The following SENP7 variants were observed in gnomAD, a reference collection of about 807,000 sequenced individuals.
SENP7 encodes SUMO specific peptidase 7.
A neutral mutation model predicts 141.2 loss-of-function variants in SENP7; 64 were observed. The ratio of observed to expected loss-of-function variants is 0.45; its 90% CI spans 0.37 to 0.56. The LOEUF is 0.56. Ranked by LOEUF, SENP7 falls within the 20% of genes least tolerant of loss-of-function variation. The pLI is 0.00. For missense variants in SENP7, 1,025 were observed against 1,212.2 expected (o/e 0.85, Z 2.29); for synonymous variants, 382 against 426.4 (o/e 0.90, Z 1.28).
Position 101,469,766 on chromosome 3 carries a change from G to A in SENP7, c.187-10714C>T, listed in dbSNP as rs1460095833. Among the ~76,000 whole-genome samples, 17 of 98,828 alleles carry A rather than the reference G, an allele frequency of 1.7e-4. 3 individuals carry two copies. 64.8% of individuals were successfully genotyped at this position (98,828 alleles called of 152,430 possible). ...GTGAACCTGGGAAGCGGAGCTTGCAGTGAGCCGAGATTGCGCCACTGCAGT... is the reference window on the plus strand; with the variant it reads ...GTGAACCTGGGAAGCGGAGCTTGCAATGAGCCGAGATTGCGCCACTGCAGT... On this transcript the variant is annotated intron_variant, in intron 3 of 23. Coordinates refer to ENST00000394095, the MANE Select transcript of SENP7 (RefSeq NM_020654.5).
At chr3:101,431,111 A>G (rs984851974) in intron 4 of SENP7, among the ~76,000 whole-genome samples, 3 of 152,176 alleles carry the variant, frequency 2.0e-5, no homozygotes, top group Non-Finnish European at 2.9e-5. Context: ...TATGTGGTCA[A>G]TTTTGGAATA....
At chr3:101,328,383 T>A in intron 22 of SENP7, 95 bp downstream of exon 22, 1 of 774,202 alleles carries the variant, frequency 1.3e-6, no homozygotes, top group Non-Finnish European at 2.2e-6. Context: ...TAAAATATAA[T>A]TCCTGATATA....
At chr3:101,465,700 A>C (rs1274475978) in intron 3 of SENP7, among the ~76,000 whole-genome samples, 2 of 152,214 alleles carry the variant, frequency 1.3e-5, no homozygotes, top group African/African-American at 2.4e-5. Flanking sequence ...CAGCTGTTGA[A>C]ATAAACACAG....
chr3:101,422,713 T>A (rs1428957627), intron 4 of SENP7, among the ~76,000 whole-genome samples: 2 of 152,180 alleles, frequency 1.3e-5, no homozygotes, highest in Non-Finnish European at 2.9e-5. Context: ...TATACTCAGA[T>A]TCTTTAAAAA....
chr3:101,461,635 T>A (rs931383376), intron 3 of SENP7, among the ~76,000 whole-genome samples: 3 of 150,582 alleles, frequency 2.0e-5, no homozygotes, highest in African/African-American at 7.3e-5. Context: ...AACTTAAACA[T>A]AAAATTACCA....
At chr3:101,344,081 A>T in intron 13 of SENP7, 127 bp from the exon 14 acceptor site, 1 of 703,754 alleles carries the variant, frequency 1.4e-6, no homozygotes, top group Non-Finnish European at 2.2e-6. Flanking sequence ...TTTAGGTAAT[A>T]ACCAAGGCAA....
chr3:101,422,987 T>A (rs1387024445), intron 4 of SENP7, among the ~76,000 whole-genome samples: 1 of 152,122 alleles, frequency 6.6e-6, no homozygotes, highest in Non-Finnish European at 1.5e-5. Flanking sequence ...AAAAGAATTC[T>A]CCCTCAGACT....
chr3:101,424,380 C>T (rs1247608331), intron 4 of SENP7, among the ~76,000 whole-genome samples: 2 of 150,642 alleles, frequency 1.3e-5, no homozygotes, highest in Admixed American at 6.7e-5. Context: ...TTTCTTTGCC[C>T]CAGCAGCATG....
chr3:101,500,620 G>A (rs12487776), intron 2 of SENP7, among the ~76,000 whole-genome samples: 60,409 of 151,954 alleles, frequency 0.4, 12,521 homozygotes, highest in Admixed American at 0.54. Context: ...TAGAAACTTC[G>A]TTTTGTTTGT....
At chr3:101,442,694 T>C (rs868660489) in intron 4 of SENP7, among the ~76,000 whole-genome samples, 1 of 151,816 alleles carries the variant, frequency 6.6e-6, no homozygotes, top group Non-Finnish European at 1.5e-5. Flanking sequence ...AACACAGAGA[T>C]AGGTATCATT....
intron 4 of SENP7, among the ~76,000 whole-genome samples, chr3:101,420,441 G>A (rs2061758202): frequency 6.6e-6 from 1 of 152,094 alleles, no homozygotes; most frequent in African/African-American, 2.4e-5. Context: ...TTGTAGAGAG[G>A]GGGAACACAA....
At chr3:101,439,508 GC>G in intron 4 of SENP7, among the ~76,000 whole-genome samples, 1 of 41,458 alleles carries the variant, frequency 2.4e-5, no homozygotes, top group African/African-American at 1.0e-4. Context: ...GGGGGGGTCA[GC>G]CCCCCGCCTG....
rs748991239 is a variant in SENP7 at position 101,398,901 on chromosome 3, G to C, written c.637C>G (p.Gln213Glu). Residue 213 changes from glutamine (Q) to glutamate (E), a missense_variant, in exon 6 of 24, where the codon CAA (glutamine) becomes GAA (glutamate). By Grantham distance (29) the Gln-to-Glu change is conservative (BLOSUM62 2). Transcript: ENST00000394095. ...SSSDGSLESYQNLNPHKSCYL... is the reference protein window; with the variant it reads ...SSSDGSLESYENLNPHKSCYL... ...CAGCTCTTGTGAGGGTTTAGATTTT[G>C]ATAAGATTCTAGGCTGCCATCAGAT... 4.3e-6 allele frequency: 7 copies of C among 1,610,280 alleles called. No individual in the cohort carries two copies. In the Admixed American group the frequency reaches 6.7e-5, roughly 15 times the overall value.
At chr3:101,343,133 T>C (rs1438849733) in intron 14 of SENP7, among the ~76,000 whole-genome samples, 1 of 152,204 alleles carries the variant, frequency 6.6e-6, no homozygotes, top group African/African-American at 2.4e-5. Flanking sequence ...ACATGTCTTA[T>C]TACTGGTGAT....
In SENP7 at chr3:101,324,482, C is replaced by T. The variant is rs1666061198; in HGVS notation, c.*1461G>A. ...AAAATTAGATGTACAAAACAATAGT[C>T]ACCTTTAAAAGTACCCCCCAACACA... On this transcript the variant is annotated 3_prime_UTR_variant, in exon 24 of 24. Transcript: ENST00000394095. The T allele has an allele frequency of 6.6e-6, 1 of 151,948 alleles. No homozygotes were observed. The highest frequency in any genetic ancestry group is 2.4e-5 in the African/African-American group (1 of 41,404). The allele number at this position is 151,948 out of a possible 1,614,324, so 9.4% of individuals were successfully genotyped here. A position where few individuals can be genotyped will look rare whatever the true frequency, so the allele number is the denominator to read the frequency against.
chr3:101,430,856 G>T (rs1402522148), intron 4 of SENP7, among the ~76,000 whole-genome samples: 4 of 152,120 alleles, frequency 2.6e-5, no homozygotes, highest in Non-Finnish European at 2.9e-5. Flanking sequence ...CTTTAAATGT[G>T]TCCCAGAGAT....
chr3:101,446,620 G>A (rs768740959), intron 4 of SENP7, among the ~76,000 whole-genome samples: 5 of 152,072 alleles, frequency 3.3e-5, no homozygotes, highest in East Asian at 1.9e-4. Flanking sequence ...GTGGAACACC[G>A]GAAACTGTAC....
intron 1 of SENP7, among the ~76,000 whole-genome samples, chr3:101,502,992 G>A (rs2108171730): frequency 6.7e-6 from 1 of 149,314 alleles, no homozygotes; most frequent in Admixed American, 6.7e-5. Context: ...AAGAATAAAA[G>A]AAAAATATTT....
chr3:101,418,384 A>AC (rs1305498771), intron 4 of SENP7, among the ~76,000 whole-genome samples: 4 of 151,928 alleles, frequency 2.6e-5, no homozygotes, highest in Non-Finnish European at 4.4e-5. Context: ...ATCATGTTTT[A>AC]CCCATCTTCT....
Sources: allele counts gnomAD v4.1 joint callset (sites outside exome capture counted in the v4.1 genomes callset), GRCh38; gene constraint gnomAD v4.1.1; transcripts MANE v1.5; gene names NCBI Gene and HGNC (gene_info 2026-07-23, HGNC 2026-07-21).